The following EPHA3 variants were observed in gnomAD, a reference collection of about 807,000 sequenced individuals.
EPHA3 encodes the protein ephrin type-A receptor 3.
EPHA3 carries 42 observed loss-of-function variants against 107.1 expected under a neutral mutation model. The observed-to-expected ratio is 0.39, with a 90% confidence interval of 0.31 to 0.51. The LOEUF (loss-of-function observed/expected upper bound fraction) is 0.51. Among genes scored for constraint, EPHA3 ranks in the 20% least tolerant of loss-of-function variants. The pLI is 0.78. For missense variants in EPHA3, 1,183 were observed against 1,211.2 expected, an observed-to-expected ratio of 0.98 and a Z score of 0.35; for synonymous variants, 461 against 424.8, an observed-to-expected ratio of 1.09 and a Z score of -1.05.
At chr3:89,428,841 TG>T (rs1398728097) in intron 11 of EPHA3, among the ~76,000 whole-genome samples, 2 of 152,144 alleles carry the variant, frequency 1.3e-5, no homozygotes, top group Non-Finnish European at 2.9e-5. Flanking sequence ...GCATATTTTT[TG>T]TTTACTTGAA....
At chr3:89,312,366 GT>G (rs71105128) in intron 3 of EPHA3, among the ~76,000 whole-genome samples, 16,457 of 142,896 alleles carry the variant, frequency 0.12, 924 homozygotes, top group Middle Eastern at 0.21. Flanking sequence ...CGCAATTCTG[GT>G]TTTTTTTTTT....
Position 89,480,540 on chromosome 3 carries a change from T to C in EPHA3, c.*1038T>C. 8.6e-6 allele frequency: 2 copies of C among 233,074 alleles called. No homozygotes were observed. Among genetic ancestry groups the C allele is most frequent in the Admixed American group, 5.6e-5 (1 of 17,774 alleles). The allele number at this position is 233,074 out of a possible 1,614,324, so 14.4% of individuals were successfully genotyped here. A position where few individuals can be genotyped will look rare whatever the true frequency, so the allele number is the denominator to read the frequency against. ...GGAGCCGTGTTAGAGCTTCCGAGAA[T>C]AGCTCCACTGGAGAGAAGTGGAATC... is the stretch of plus-strand genomic sequence containing the variant. On this transcript the variant is annotated 3_prime_UTR_variant, in exon 17 of 17. Transcript: ENST00000336596.
At chr3:89,345,066 CT>C (rs201960963) in intron 5 of EPHA3, among the ~76,000 whole-genome samples, 4 of 150,348 alleles carry the variant, frequency 2.7e-5, no homozygotes, top group South Asian at 2.1e-4. Context: ...GTATATTCAT[CT>C]TTTTTTTTCT....
At chr3:89,183,111 C>T (rs1168429728) in intron 2 of EPHA3, among the ~76,000 whole-genome samples, 1 of 151,920 alleles carries the variant, frequency 6.6e-6, no homozygotes, top group Non-Finnish European at 1.5e-5. Context: ...ACATCCAAAA[C>T]TTTTGATGAT....
At chr3:89,209,437 CA>C (rs1040359830) in intron 2 of EPHA3, among the ~76,000 whole-genome samples, 1 of 151,830 alleles carries the variant, frequency 6.6e-6, no homozygotes. Flanking sequence ...TCAATTTTAC[CA>C]AAAACCTGGC....
Position 89,482,073 on chromosome 3 carries a change from T to C in EPHA3, c.*2571T>C, listed in dbSNP as rs2107583914. 4.6e-6 allele frequency: 1 copy of C among 215,506 alleles called. No homozygotes were observed. The highest frequency in any genetic ancestry group is 7.0e-5 in the East Asian group (1 of 14,386). The allele number at this position is 215,506 out of a possible 1,614,324, so 13.3% of individuals were successfully genotyped here. On this transcript the variant is annotated 3_prime_UTR_variant, in exon 17 of 17. Coordinates refer to ENST00000336596, the MANE Select transcript of EPHA3 (RefSeq NM_005233.6). Reference sequence around the variant, plus strand: ...GGCCTCTTACTAATGTAAAATGATTTGTAGTGGAAACATTTATATTTTTAT... The same window carrying C: ...GGCCTCTTACTAATGTAAAATGATTCGTAGTGGAAACATTTATATTTTTAT...
At chr3:89,301,384 TC>T (rs1455073398) in intron 3 of EPHA3, among the ~76,000 whole-genome samples, 1 of 152,070 alleles carries the variant, frequency 6.6e-6, no homozygotes, top group Non-Finnish European at 1.5e-5. Context: ...AAAATATATG[TC>T]TACTCCTAAA....
At chr3:89,339,533 T>C (rs1707470032) in intron 3 of EPHA3, among the ~76,000 whole-genome samples, 1 of 152,178 alleles carries the variant, frequency 6.6e-6, no homozygotes, top group Admixed American at 6.5e-5. Flanking sequence ...ACAGTAAGAC[T>C]AGATTAATGA....
At chr3:89,109,131 C>A (rs1275534348) in intron 1 of EPHA3, among the ~76,000 whole-genome samples, 1 of 151,998 alleles carries the variant, frequency 6.6e-6, no homozygotes, top group African/African-American at 2.4e-5. Context: ...TTACTGACTG[C>A]CTTTATCAAT....
At chr3:89,132,586 A>C (rs1168021075) in intron 2 of EPHA3, among the ~76,000 whole-genome samples, 1 of 152,184 alleles carries the variant, frequency 6.6e-6, no homozygotes, top group Non-Finnish European at 1.5e-5. Context: ...CCAATTAATC[A>C]AAAACTGACC....
At chr3:89,378,459 C>G (rs1197573889) in intron 5 of EPHA3, among the ~76,000 whole-genome samples, 2 of 152,050 alleles carry the variant, frequency 1.3e-5, no homozygotes, top group Non-Finnish European at 2.9e-5. Flanking sequence ...CGTGTCAATT[C>G]TAACTTAAGA....
intron 2 of EPHA3, among the ~76,000 whole-genome samples, chr3:89,141,114 C>T (rs532297099): frequency 4.0e-5 from 6 of 151,686 alleles, no homozygotes; most frequent in African/African-American, 7.2e-5. Context: ...ATAAAATGCA[C>T]GTCACCACTA....
chr3:89,290,826 G>C (rs184393081), intron 3 of EPHA3, among the ~76,000 whole-genome samples: 1 of 152,082 alleles, frequency 6.6e-6, no homozygotes, highest in African/African-American at 2.4e-5. Flanking sequence ...TTACAGTTGG[G>C]TGTCTTTTAT....
At chr3:89,442,157 A>T in intron 13 of EPHA3, among the ~76,000 whole-genome samples, 1 of 152,164 alleles carries the variant, frequency 6.6e-6, no homozygotes, top group East Asian at 1.9e-4. Context: ...AAGAAAAGGA[A>T]GGAAGATAGG....
At chr3:89,324,771 T>A (rs1707128646) in intron 3 of EPHA3, among the ~76,000 whole-genome samples, 1 of 152,152 alleles carries the variant, frequency 6.6e-6, no homozygotes, top group African/African-American at 2.4e-5. Context: ...TATTGTGTGA[T>A]GCTGAGATTT....
chr3:89,387,633 C>T (rs1402535615), intron 5 of EPHA3, among the ~76,000 whole-genome samples: 1 of 151,994 alleles, frequency 6.6e-6, no homozygotes, highest in Non-Finnish European at 1.5e-5. Flanking sequence ...TCACATATAT[C>T]ATATGTATGA....
Position 89,407,374 on chromosome 3 carries a change from G to C in EPHA3, c.1697+3G>C. ...GTCATCTATGTTTTGATTGGGAGGT[G>C]AGTTCACAGTCTGTTTCACTATTCA... is the stretch of plus-strand genomic sequence containing the variant. On this transcript the variant is annotated splice_donor_region_variant and intron_variant, in intron 8 of 16. Transcript: ENST00000336596. 1.9e-6 allele frequency: 3 copies of C among 1,610,302 alleles called. No individual in the cohort carries two copies. The South Asian group carries it at 3.3e-5, about 18-fold the overall frequency.
intron 11 of EPHA3, among the ~76,000 whole-genome samples, chr3:89,422,192 A>AACACACACACACACAC (rs56370135): frequency 1.4e-5 from 2 of 140,492 alleles, no homozygotes; most frequent in African/African-American, 5.2e-5. Context: ...TGTTGTATTT[A>AACACACACACACACAC]ACACACACAC....
At chr3:89,274,607 C>T (rs960655667) in intron 3 of EPHA3, among the ~76,000 whole-genome samples, 3 of 151,914 alleles carry the variant, frequency 2.0e-5, no homozygotes, top group African/African-American at 7.2e-5. Flanking sequence ...AAAGAGATAT[C>T]GGTTGTATCA....
Sources: gnomAD v4.1 joint callset for allele counts (sites outside exome capture counted in the v4.1 genomes callset) on GRCh38, gnomAD v4.1.1 for gene constraint, MANE v1.5 for transcripts, NCBI Gene and HGNC (gene_info 2026-07-23, HGNC 2026-07-21) for gene names.